ERP44: variants seen among roughly 807,000 people sequenced by gnomAD.
The protein encoded by ERP44 is endoplasmic reticulum protein 44.
ERP44 carries 25 observed loss-of-function variants against 53.4 expected under a neutral mutation model. That is an observed-to-expected ratio of 0.47 (90% CI 0.34 to 0.65). The LOEUF is 0.65. Among genes scored for constraint, ERP44 ranks in the 30% least tolerant of loss-of-function variants. The pLI, the probability that ERP44 is intolerant of heterozygous loss-of-function variation, is 0.01. For missense variants in ERP44, 338 were observed against 493.2 expected (o/e 0.69, Z 2.98); for synonymous variants, 145 against 161.2 (o/e 0.90, Z 0.76).
intron 1 of ERP44, among the ~76,000 whole-genome samples, chr9:100,079,770 C>T (rs1428734343): frequency 6.6e-6 from 1 of 151,880 alleles, no homozygotes; most frequent in African/African-American, 2.4e-5. Flanking sequence ...CCCTCTCTCA[C>T]TGTAAACATA....
chr9:100,098,642 G>C, intron 1 of ERP44, 142 bp downstream of exon 1: 2 of 640,308 alleles, frequency 3.1e-6, no homozygotes, highest in Non-Finnish European at 5.4e-6. Context: ...ACAGGCGAGA[G>C]TGAGGGCAGC....
chr9:100,067,449 TC>T (rs1826227040), intron 1 of ERP44, among the ~76,000 whole-genome samples: 1 of 152,224 alleles, frequency 6.6e-6, no homozygotes, highest in Admixed American at 6.5e-5. Flanking sequence ...AGCCTCGGCC[TC>T]CCGAGGTGCC....
intron 1 of ERP44, among the ~76,000 whole-genome samples, chr9:100,073,524 A>G (rs1028300520): frequency 1.3e-5 from 2 of 152,236 alleles, no homozygotes; most frequent in African/African-American, 4.8e-5. Context: ...AGCTGAACTA[A>G]TAATCTAAGG....
At chr9:100,058,519 G>A (rs1826109403) in intron 2 of ERP44, among the ~76,000 whole-genome samples, 1 of 152,144 alleles carries the variant, frequency 6.6e-6, no homozygotes, top group African/African-American at 2.4e-5. Context: ...CTGAGAATTA[G>A]TTCTGCAAAT....
rs553818908 is a variant in ERP44 at position 99,994,941 on chromosome 9, T to G, written c.1017-9872A>C. Among the ~76,000 whole-genome samples, 5 of 152,358 alleles carry G rather than the reference T, an allele frequency of 3.3e-5. No individual in the cohort carries two copies. In the South Asian group the frequency reaches 1.0e-3, roughly 32 times the overall value. On this transcript the variant is annotated intron_variant, in intron 10 of 11. Transcript: ENST00000262455. ...GGATCACATTAAATTTATAGGTCAA[T>G]TTGACTGTATCGAGTGTTGTAATCC...
intron 1 of ERP44, among the ~76,000 whole-genome samples, chr9:100,063,835 A>G (rs1216522505): frequency 6.6e-6 from 1 of 152,170 alleles, no homozygotes; most frequent in Non-Finnish European, 1.5e-5. Context: ...GGCATCTTTA[A>G]TCATCTCTCA....
intron 3 of ERP44, among the ~76,000 whole-genome samples, chr9:100,056,258 C>T (rs62577232): frequency 6.6e-6 from 1 of 152,138 alleles, no homozygotes; most frequent in African/African-American, 2.4e-5. Flanking sequence ...AATTTTTTGG[C>T]TATTAATACA....
intron 10 of ERP44, chr9:99,999,104 G>GAA (rs1830348681): frequency 3.1e-6 from 2 of 653,500 alleles, no homozygotes; most frequent in African/African-American, 1.8e-5. Context: ...CAGCGGCGGG[G>GAA]CGTGGACACG....
At chr9:100,005,922 A>G (rs1830420836) in intron 10 of ERP44, among the ~76,000 whole-genome samples, 1 of 152,258 alleles carries the variant, frequency 6.6e-6, no homozygotes, top group South Asian at 2.1e-4. Flanking sequence ...CACAAAGCTG[A>G]TAAAAATTCA....
At chr9:99,999,066 G>A in intron 10 of ERP44, 4 of 732,166 alleles carry the variant, frequency 5.5e-6, no homozygotes, top group South Asian at 3.0e-5. Flanking sequence ...GCGGATGACC[G>A]CCTGCAGGGA....
At position 100,061,574 on chromosome 9, in the gene ERP44, A is replaced by C. The variant is rs1826149640; in HGVS notation, c.58-1402T>G. Among the ~76,000 whole-genome samples the C allele has an allele frequency of 2.0e-5, 3 of 147,318 alleles. No homozygotes were observed. The South Asian group carries it at 6.2e-4, about 31-fold the overall frequency. ...TATATTTATAGAAACGTATATATTT[A>C]TAGAAACGTATATATTTATAGAAAT... On this transcript the variant is annotated intron_variant, in intron 1 of 11. Coordinates refer to ENST00000262455, the MANE Select transcript of ERP44 (RefSeq NM_015051.3).
intron 4 of ERP44, among the ~76,000 whole-genome samples, chr9:100,034,484 C>G (rs183532743): frequency 6.6e-6 from 1 of 152,168 alleles, no homozygotes; most frequent in African/African-American, 2.4e-5. Flanking sequence ...AGCCAGCCAG[C>G]AGCCCTTGCG....
chr9:99,982,755 T>C, intron 11 of ERP44, 42 bp from the exon 12 acceptor site: 1 of 1,222,450 alleles, frequency 8.2e-7, no homozygotes, highest in Non-Finnish European at 1.2e-6. Flanking sequence ...CAATATAGTT[T>C]ATGGTGCTAT....
At chr9:100,075,314 C>A (rs1826344207) in intron 1 of ERP44, among the ~76,000 whole-genome samples, 1 of 152,246 alleles carries the variant, frequency 6.6e-6, no homozygotes, top group South Asian at 2.1e-4. Flanking sequence ...CGGTATGCAG[C>A]CATTGATTTG....
intron 1 of ERP44, among the ~76,000 whole-genome samples, chr9:100,071,648 AGTAGCTCACGCCT>A (rs1466242881): frequency 2.6e-5 from 4 of 152,296 alleles, no homozygotes; most frequent in Non-Finnish European, 4.4e-5. Context: ...GGCCAGGCAC[AGTAGCTCACGCCT>A]GTAATCCCAG....
chr9:100,086,648 G>A (rs992855901), intron 1 of ERP44, among the ~76,000 whole-genome samples: 2 of 152,078 alleles, frequency 1.3e-5, no homozygotes, highest in Non-Finnish European at 2.9e-5. Context: ...TAGAAAAACT[G>A]ATATTCAAAA....
At chr9:100,051,670 A>T (rs566743576) in intron 4 of ERP44, among the ~76,000 whole-genome samples, 1 of 152,300 alleles carries the variant, frequency 6.6e-6, no homozygotes, top group East Asian at 1.9e-4. Flanking sequence ...AATGAACCAG[A>T]ACTACGAAAT....
intron 1 of ERP44, among the ~76,000 whole-genome samples, chr9:100,091,743 C>T (rs1024008241): frequency 1.3e-5 from 2 of 152,170 alleles, no homozygotes; most frequent in South Asian, 4.1e-4. Flanking sequence ...TTCCAAACAT[C>T]CATGGCAGTA....
At chr9:100,068,242 C>G (rs1385498896) in intron 1 of ERP44, among the ~76,000 whole-genome samples, 7 of 138,024 alleles carry the variant, frequency 5.1e-5, no homozygotes, top group East Asian at 2.4e-4. Context: ...CCGCCCCGTA[C>G]GGAAGGTGAG....
Sources: gnomAD v4.1 joint callset for allele counts (sites outside exome capture counted in the v4.1 genomes callset) on GRCh38, gnomAD v4.1.1 for gene constraint, MANE v1.5 for transcripts, NCBI Gene and HGNC (gene_info 2026-07-23, HGNC 2026-07-21) for gene names.